Variants in LAMA1 observed in about 807,000 individuals in gnomAD.
The protein encoded by LAMA1 is laminin subunit alpha 1.
Under a neutral mutation model 348.7 loss-of-function variants are expected in LAMA1, and 219 were observed. That is an observed-to-expected ratio of 0.63 (90% CI 0.56 to 0.70). The LOEUF (loss-of-function observed/expected upper bound fraction) is 0.70, where lower values mean the gene tolerates loss of function less well. Ranked by LOEUF, LAMA1 falls within the 30% of genes least tolerant of loss-of-function variation. LAMA1 has a pLI of 0.00. For missense variants in LAMA1, 3,744 were observed against 3,888.0 expected, an observed-to-expected ratio of 0.96 and a Z score of 0.99; for synonymous variants, 1,487 against 1,491.0, an observed-to-expected ratio of 1.00 and a Z score of 0.06.
At chr18:7,116,970 G>A (rs747160062) in intron 1 of LAMA1, among the ~76,000 whole-genome samples, 6 of 151,884 alleles carry the variant, frequency 4.0e-5, no homozygotes, top group Non-Finnish European at 8.8e-5. Context: ...CGCGCCCACG[G>A]TCAATCCCGC....
At chr18:7,100,877 G>A (rs1043310718) in intron 1 of LAMA1, among the ~76,000 whole-genome samples, 1 of 152,110 alleles carries the variant, frequency 6.6e-6, no homozygotes, top group Non-Finnish European at 1.5e-5. Context: ...AGGGGTGGTG[G>A]CAGGTGCCTG....
At position 6,965,987 on chromosome 18, in the gene LAMA1, T is replaced by C. The variant is rs1299104704; in HGVS notation, c.7050+160A>G. ...TAAATAATTTAAAATGAGGAAATTG[T>C]TTAGCACACACATATATTAATACTA... On this transcript the variant is annotated intron_variant, in intron 49 of 62. Transcript: ENST00000389658. 12 of 743,300 alleles carry C rather than the reference T, an allele frequency of 1.6e-5. No individual in the cohort carries two copies. In the Admixed American group the frequency reaches 3.5e-4, roughly 21 times the overall value. The allele number at this position is 743,300 out of a possible 1,614,324, so 46.0% of individuals were successfully genotyped here.
At chr18:7,056,929 T>C (rs1172942086) in intron 3 of LAMA1, among the ~76,000 whole-genome samples, 1 of 151,808 alleles carries the variant, frequency 6.6e-6, no homozygotes, top group African/African-American at 2.4e-5. Flanking sequence ...TGGAGTGCAG[T>C]GGCATGATCT....
rs1430998003 is a variant in LAMA1 at position 6,961,608 on chromosome 18, C to T, written c.7604G>A (p.Gly2535Asp). The T allele has an allele frequency of 6.2e-7, 1 of 1,613,840 alleles. No homozygotes were observed. Among genetic ancestry groups the T allele is most frequent in the Non-Finnish European group, 8.5e-7 (1 of 1,180,024 alleles). Reference sequence around the variant, plus strand: ...CACCACGTGTGCTTCCTCACGATCACCCCGCTTCTCCACATCCCCGCCGAG... The same window carrying T: ...CACCACGTGTGCTTCCTCACGATCATCCCGCTTCTCCACATCCCCGCCGAG... ...AALGGDVEKR[G>D]DREEAHVPFF... Residue 2535 changes from glycine (G) to aspartate (D), a missense_variant, in exon 53 of 63, where the codon GGT (glycine) becomes GAT (aspartate). Coordinates refer to ENST00000389658, the MANE Select transcript of LAMA1 (RefSeq NM_005559.4).
chr18:7,100,704 A>G lies in LAMA1; in HGVS notation c.61+16956T>C, dbSNP rs547305557. Reference sequence around the variant, plus strand: ...AACCTAGAAAACACTAACCGAGAGAAGTAGACACAAAAGACTCCATTTTGG... The same window carrying G: ...AACCTAGAAAACACTAACCGAGAGAGGTAGACACAAAAGACTCCATTTTGG... On this transcript the variant is annotated intron_variant, in intron 1 of 62. Coordinates refer to ENST00000389658, the MANE Select transcript of LAMA1 (RefSeq NM_005559.4). 2.6e-5 allele frequency among the ~76,000 whole-genome samples: 4 copies of G among 152,298 alleles called. No homozygotes were observed. In the South Asian group the frequency reaches 6.2e-4, roughly 24 times the overall value.
Position 7,050,683 on chromosome 18 carries a change from A to C in LAMA1, c.588+11T>G, listed in dbSNP as rs765402164. On this transcript the variant is annotated intron_variant, in intron 4 of 62. Coordinates refer to ENST00000389658, the MANE Select transcript of LAMA1 (RefSeq NM_005559.4). The stretch of plus-strand genomic sequence containing the variant: ...GGAAACAGATCTTGCTGCAGCGGGC[A>C]CCATACCTACCTCTCCATGCTCAAG... 23 of 1,613,268 alleles carry C rather than the reference A, an allele frequency of 1.4e-5. No individual in the cohort carries two copies. Among genetic ancestry groups the C allele is most frequent in the Middle Eastern group, 3.7e-4 (2 of 5,420 alleles).
At chr18:6,972,100 G>A in intron 47 of LAMA1, 119 bp from the exon 48 acceptor site, 1 of 1,235,504 alleles carries the variant, frequency 8.1e-7, no homozygotes, top group Admixed American at 1.8e-5. Flanking sequence ...AATTTTGAGA[G>A]AGCCACATTA....
intron 3 of LAMA1, among the ~76,000 whole-genome samples, chr18:7,067,986 T>C (rs1598304088): frequency 6.6e-6 from 1 of 152,044 alleles, no homozygotes; most frequent in African/African-American, 2.4e-5. Flanking sequence ...CCTGAGTAGG[T>C]GGCATTACAG....
chr18:7,110,142 C>T (rs1055338141), intron 1 of LAMA1, among the ~76,000 whole-genome samples: 4 of 151,738 alleles, frequency 2.6e-5, no homozygotes, highest in African/African-American at 9.7e-5. Flanking sequence ...GATCACGCTA[C>T]TGCACTCCAG....
intron 1 of LAMA1, among the ~76,000 whole-genome samples, chr18:7,113,545 T>C (rs1392364994): frequency 1.3e-5 from 2 of 152,194 alleles, no homozygotes; most frequent in South Asian, 2.1e-4. Flanking sequence ...GTAAGTCACA[T>C]TGGGGAACAT....
In LAMA1 at chr18:6,976,277, G is replaced by GA. The variant is rs765024188; in HGVS notation, c.6346-198dup. 1.0e-3 allele frequency among the ~76,000 whole-genome samples: 154 copies of GA among 152,292 alleles called. 1 individual carries two copies. The highest frequency in any genetic ancestry group is 6.8e-3 in the Middle Eastern group (2 of 294). On this transcript the variant is annotated intron_variant, in intron 44 of 62. Coordinates refer to ENST00000389658, the MANE Select transcript of LAMA1 (RefSeq NM_005559.4). ...GATTTCATTAAGTGTTTAAATATGA[G>GA]AAAATCAGTGTTAGTTTTTAATAAG...
intron 47 of LAMA1, 61 bp downstream of exon 47, chr18:6,972,996 C>G: frequency 1.2e-6 from 2 of 1,600,500 alleles, no homozygotes; most frequent in Non-Finnish European, 1.7e-6. Context: ...CGGCCCATGA[C>G]TTTTATATAT....
Position 7,034,554 on chromosome 18 carries a change from A to G in LAMA1, c.1976T>C (p.Leu659Pro). 3 of 1,614,204 alleles carry G rather than the reference A, an allele frequency of 1.9e-6. No individual in the cohort carries two copies. The highest frequency in any genetic ancestry group is 2.5e-6 in the Non-Finnish European group (3 of 1,180,044). The change falls in exon 14 of 63, where the codon CTG becomes CCG. Residue 659 changes from leucine to proline, a missense_variant. By Grantham distance (98) the Leu-to-Pro change is moderately conservative (BLOSUM62 -3). Coordinates refer to ENST00000389658, the MANE Select transcript of LAMA1 (RefSeq NM_005559.4). ...HSKRQIDRDQ[L>P]MTVLANVTHL... ...TGTCACATTGGCAAGGACAGTCATCAGCTGGTCACGATCAATCTGCCTTTT... is the reference window on the plus strand; with the variant it reads ...TGTCACATTGGCAAGGACAGTCATCGGCTGGTCACGATCAATCTGCCTTTT...
At chr18:7,106,022 A>G (rs1312004843) in intron 1 of LAMA1, among the ~76,000 whole-genome samples, 2 of 152,224 alleles carry the variant, frequency 1.3e-5, no homozygotes, top group African/African-American at 4.8e-5. Flanking sequence ...CACTGATCCA[A>G]CGTGGTCTCT....
At chr18:7,052,380 G>A (rs2058065417) in intron 3 of LAMA1, among the ~76,000 whole-genome samples, 1 of 151,396 alleles carries the variant, frequency 6.6e-6, no homozygotes, top group African/African-American at 2.4e-5. Flanking sequence ...ACAGGGAGCT[G>A]AGATTGCACC....
In LAMA1 at chr18:6,985,287, T is replaced by C; in HGVS notation, c.5610A>G (p.Arg1870=). The C allele has an allele frequency of 6.2e-7, 1 of 1,614,178 alleles. No homozygotes were observed. The change falls in exon 39 of 63, where the codon AGA becomes AGG. Residue 1870 remains arginine, a synonymous_variant. Transcript: ENST00000389658. ...SQRNAVDLVY[R]AEDHAAEFQR... is the part of the protein sequence containing the mutation. ...GGAACTCAGCGGCATGGTCCTCAGCTCTGTAGACCAGGTCGACTGCGTTCC... is the reference window on the plus strand; with the variant it reads ...GGAACTCAGCGGCATGGTCCTCAGCCCTGTAGACCAGGTCGACTGCGTTCC...
Position 7,011,432 on chromosome 18 carries a change from A to G in LAMA1, c.3555T>C (p.Ser1185=). The part of the protein sequence containing the change: ...DQPLLRVVSQ[S]NLRGTTEGVY... ...CCCCCTCGGTCGTGCCCCTCAAGTTACTCTGAGAAACCACACGCAGAAGAG... is the reference window on the plus strand; with the variant it reads ...CCCCCTCGGTCGTGCCCCTCAAGTTGCTCTGAGAAACCACACGCAGAAGAG... The change falls in exon 25 of 63, where the codon AGT becomes AGC. Residue 1185 remains serine (S), a synonymous_variant. Transcript: ENST00000389658. 1 of 1,608,484 alleles carries G rather than the reference A, an allele frequency of 6.2e-7. No individual in the cohort carries two copies. Among genetic ancestry groups the G allele is most frequent in the South Asian group, 1.1e-5 (1 of 89,530 alleles).
At position 6,996,926 on chromosome 18, in the gene LAMA1, A is replaced by G. The variant is rs146180047; in HGVS notation, c.4806+816T>C. ...ACATAAAACTATGATTTACTGCCAG[A>G]CATTTAATGTAGCCTTCCAGGGAGG... On this transcript the variant is annotated intron_variant, in intron 33 of 62. Coordinates refer to ENST00000389658, the MANE Select transcript of LAMA1 (RefSeq NM_005559.4). Among the ~76,000 whole-genome samples, 388 of 152,334 alleles carry G rather than the reference A, an allele frequency of 2.5e-3. 17 individuals carry two copies. The East Asian group carries it at 0.057, about 22-fold the overall frequency.
chr18:6,959,277 C>A, intron 54 of LAMA1, 64 bp downstream of exon 54: 2 of 1,610,438 alleles, frequency 1.2e-6, no homozygotes, highest in South Asian at 1.1e-5. Context: ...CCGCAAGGTT[C>A]CTCCCACATT....
Sources: allele counts gnomAD v4.1 joint callset (sites outside exome capture counted in the v4.1 genomes callset), GRCh38; gene constraint gnomAD v4.1.1; transcripts MANE v1.5; gene names NCBI Gene and HGNC (gene_info 2026-07-23, HGNC 2026-07-21).